PPP1R12A: variants seen among roughly 807,000 people sequenced by gnomAD.
PPP1R12A encodes the protein myosin binding subunit.
In PPP1R12A, 19 loss-of-function variants were observed where a neutral mutation model predicts 139.6. The observed-to-expected ratio is 0.14, with a 90% CI of 0.09 to 0.20. PPP1R12A has a LOEUF of 0.20. Ranked by LOEUF, PPP1R12A falls within the 10% of genes least tolerant of loss-of-function variation. The pLI is 1.00. For missense variants in PPP1R12A, 925 were observed against 1,211.5 expected, an observed-to-expected ratio of 0.76 and a Z score of 3.51; for synonymous variants, 427 against 420.6, an observed-to-expected ratio of 1.02 and a Z score of -0.19.
intron 1 of PPP1R12A, among the ~76,000 whole-genome samples, chr12:79,895,908 T>C (rs1437399750): frequency 6.6e-6 from 1 of 152,152 alleles, no homozygotes; most frequent in Non-Finnish European, 1.5e-5. Flanking sequence ...TTGTAGGAGC[T>C]CAGAGATTAG....
intron 9 of PPP1R12A, among the ~76,000 whole-genome samples, chr12:79,812,387 TGTGC>T (rs1555202862): frequency 3.6e-5 from 5 of 140,042 alleles, no homozygotes; most frequent in African/African-American, 1.5e-4. Context: ...TGACTCTGTG[TGTGC>T]GTGTGTGTGT....
intron 5 of PPP1R12A, chr12:79,825,078 C>G (rs1041015425): frequency 2.6e-5 from 4 of 152,106 alleles, no homozygotes; most frequent in Non-Finnish European, 5.9e-5. Flanking sequence ...GAAACTCAGT[C>G]TGCGTGCATG....
chr12:79,793,799 G>A lies in PPP1R12A; in HGVS notation c.2649+64C>T, dbSNP rs76025025. On this transcript the variant is annotated intron_variant, in intron 19 of 24. Transcript: ENST00000450142. The stretch of plus-strand genomic sequence containing the variant: ...TTTGCATGAATAAACATAATAAAAC[G>A]CAATTTAAAAGTAATTATTAAAAAA... The A allele has an allele frequency of 1.1e-3, 1,368 of 1,268,346 alleles. 11 individuals are homozygous for A. The African/African-American group carries it at 0.019, about 17-fold the overall frequency. The allele number at this position is 1,268,346 out of a possible 1,614,324, so 78.6% of individuals were successfully genotyped here. A position where few individuals can be genotyped will look rare whatever the true frequency, so the allele number is the denominator to read the frequency against.
At chr12:79,812,449 T>TTGTG (rs372835131) in intron 9 of PPP1R12A, among the ~76,000 whole-genome samples, 3 of 133,848 alleles carry the variant, frequency 2.2e-5, no homozygotes, top group Non-Finnish European at 3.3e-5. Flanking sequence ...CTGTGTGTGT[T>TTGTG]TGTGTGTGTG....
Position 79,776,390 on chromosome 12 carries a change from G to C in PPP1R12A, c.3007-375C>G, listed in dbSNP as rs188596982. Among the ~76,000 whole-genome samples, 3 of 152,152 alleles carry C rather than the reference G, an allele frequency of 2.0e-5. No individual in the cohort carries two copies. The East Asian group carries it at 5.8e-4, about 29-fold the overall frequency. On this transcript the variant is annotated intron_variant, in intron 24 of 24. Coordinates refer to ENST00000450142, the MANE Select transcript of PPP1R12A (RefSeq NM_002480.3). ...CTAAACCAAAGACTTTTGCTTTTATGTATGTCAGACCTAAAATCATAATAC... is the reference window on the plus strand; with the variant it reads ...CTAAACCAAAGACTTTTGCTTTTATCTATGTCAGACCTAAAATCATAATAC...
chr12:79,917,506 G>A (rs7313814), intron 1 of PPP1R12A, among the ~76,000 whole-genome samples: 1,751 of 138,188 alleles, frequency 0.013, 26 homozygotes, highest in African/African-American at 0.044. Context: ...AAAAAAAAAA[G>A]AGTTTAATAT....
At chr12:79,905,572 C>CT (rs1209250033) in intron 1 of PPP1R12A, among the ~76,000 whole-genome samples, 3 of 152,098 alleles carry the variant, frequency 2.0e-5, no homozygotes, top group Admixed American at 2.0e-4. Flanking sequence ...GCTGCAGATA[C>CT]TTTCTGATTT....
At chr12:79,890,915 A>C (rs1042898731) in intron 1 of PPP1R12A, among the ~76,000 whole-genome samples, 4 of 147,192 alleles carry the variant, frequency 2.7e-5, no homozygotes, top group Admixed American at 2.0e-4. Context: ...CCACACACAC[A>C]CACACACACA....
intron 14 of PPP1R12A, 98 bp downstream of exon 14, chr12:79,805,494 G>A (rs1873711801): frequency 9.1e-7 from 1 of 1,104,334 alleles, no homozygotes; most frequent in Non-Finnish European, 1.3e-6. Context: ...GTCTACTGGA[G>A]AGATGGCCAT....
At chr12:79,873,076 T>G in intron 1 of PPP1R12A, 138 bp from the exon 2 acceptor site, 1 of 987,116 alleles carries the variant, frequency 1.0e-6, no homozygotes, top group Non-Finnish European at 1.5e-6. Flanking sequence ...CTATCTTGAC[T>G]ATACTCCATC....
chr12:79,806,259 G>T lies in PPP1R12A; in HGVS notation c.1730C>A (p.Thr577Asn). 1.2e-6 allele frequency: 2 copies of T among 1,613,810 alleles called. No homozygotes were observed. Among genetic ancestry groups the T allele is most frequent in the Admixed American group, 3.3e-5 (2 of 60,018 alleles). ...GCTTTTCTGAAGCCCAGCTGCAGAG[G>T]TAACTGTTGGTGTTGATGTGGTGCT... ...VPSTTSTPTV[T>N]SAAGLQKSLL... The change falls in exon 13 of 25, where the codon ACC becomes AAC. Residue 577 changes from threonine (T) to asparagine (N), a missense_variant. Thr to Asn is a moderately conservative substitution (Grantham distance 65). This residue lies in a region of PPP1R12A where 403 missense variants were observed against 463.7 expected (regional missense o/e 0.87). Transcript: ENST00000450142.
At chr12:79,783,863 A>C (rs1330931222) in intron 22 of PPP1R12A, among the ~76,000 whole-genome samples, 1 of 152,238 alleles carries the variant, frequency 6.6e-6, no homozygotes, top group African/African-American at 2.4e-5. Context: ...TTCCAGTTAA[A>C]GCTGTTAAAA....
Position 79,808,326 on chromosome 12 carries a change from T to A in PPP1R12A, c.1550+157A>T, listed in dbSNP as rs180788993. Among the ~76,000 whole-genome samples, 3 of 152,282 alleles carry A rather than the reference T, an allele frequency of 2.0e-5. No individual in the cohort carries two copies. In the East Asian group the frequency reaches 5.8e-4, roughly 29 times the overall value. Reference sequence around the variant, plus strand: ...ATGAACATACCAAGCCTGCACCTCCTCAGGACTATGTACCTGGTATTTTCT... The same window carrying A: ...ATGAACATACCAAGCCTGCACCTCCACAGGACTATGTACCTGGTATTTTCT... On this transcript the variant is annotated intron_variant, in intron 11 of 24. Coordinates refer to ENST00000450142, the MANE Select transcript of PPP1R12A (RefSeq NM_002480.3).
intron 1 of PPP1R12A, among the ~76,000 whole-genome samples, chr12:79,930,970 A>T (rs1888209339): frequency 6.6e-6 from 1 of 152,220 alleles, no homozygotes; most frequent in South Asian, 2.1e-4. Flanking sequence ...TACATCATTA[A>T]CAGAAACAGG....
chr12:79,884,356 G>A (rs1883913366), intron 1 of PPP1R12A, among the ~76,000 whole-genome samples: 1 of 152,050 alleles, frequency 6.6e-6, no homozygotes, highest in African/African-American at 2.4e-5. Context: ...AATACCAAAA[G>A]CAATTAATGT....
At position 79,859,919 on chromosome 12, in the gene PPP1R12A, A is replaced by C. The variant is rs537629858; in HGVS notation, c.368+12889T>G. Reference sequence around the variant, plus strand: ...ACAGAGCAAGACGCTGTCTCAAACAAACCAACAAAATTCTATGAGCATTTT... The same window carrying C: ...ACAGAGCAAGACGCTGTCTCAAACACACCAACAAAATTCTATGAGCATTTT... On this transcript the variant is annotated intron_variant, in intron 2 of 24. Transcript: ENST00000450142. Among the ~76,000 whole-genome samples the C allele has an allele frequency of 1.1e-3, 169 of 152,318 alleles. 1 individual carries two copies. The highest frequency in any genetic ancestry group is 1.8e-3 in the Non-Finnish European group (124 of 68,032).
chr12:79,885,866 T>C (rs1378676135), intron 1 of PPP1R12A, among the ~76,000 whole-genome samples: 1 of 152,162 alleles, frequency 6.6e-6, no homozygotes, highest in Non-Finnish European at 1.5e-5. Context: ...TCCTTTTTTG[T>C]TTGTTTTTTG....
At chr12:79,895,831 G>A (rs1337653897) in intron 1 of PPP1R12A, among the ~76,000 whole-genome samples, 5 of 152,098 alleles carry the variant, frequency 3.3e-5, no homozygotes, top group Admixed American at 3.3e-4. Flanking sequence ...CTAATACCGA[G>A]CCTTATTAAA....
Position 79,775,249 on chromosome 12 carries a change from G to A in PPP1R12A, c.*680C>T, listed in dbSNP as rs1309158771. Reference sequence around the variant, plus strand: ...AAATGACTTTAAAGCATTCATATAAGAAATAAATGCATATTGCACAAACAG... The same window carrying A: ...AAATGACTTTAAAGCATTCATATAAAAAATAAATGCATATTGCACAAACAG... On this transcript the variant is annotated 3_prime_UTR_variant, in exon 25 of 25. Transcript: ENST00000450142. The A allele has an allele frequency of 6.6e-6, 1 of 152,438 alleles. No individual in the cohort carries two copies. The highest frequency in any genetic ancestry group is 6.6e-5 in the Admixed American group (1 of 15,250). 9.4% of individuals were successfully genotyped at this position (152,438 alleles called of 1,614,324 possible). A position where few individuals can be genotyped will look rare whatever the true frequency, so the allele number is the denominator to read the frequency against.
Sources: allele counts gnomAD v4.1 joint callset (sites outside exome capture counted in the v4.1 genomes callset), GRCh38; gene constraint gnomAD v4.1.1; regional missense constraint gnomAD v4.1.1; transcripts MANE v1.5; gene names NCBI Gene and HGNC (gene_info 2026-07-23, HGNC 2026-07-21).